The following SYNPO2 variants were observed in gnomAD, a reference collection of about 807,000 sequenced individuals.
SYNPO2 encodes the protein synaptopodin 2.
A neutral mutation model predicts 85.0 loss-of-function variants in SYNPO2; 56 were observed. The ratio of observed to expected loss-of-function variants is 0.66; its 90% CI spans 0.53 to 0.82. The LOEUF (loss-of-function observed/expected upper bound fraction) is 0.82. Among genes scored for constraint, SYNPO2 ranks in the 40% least tolerant of loss-of-function variants. The pLI, the probability that SYNPO2 is intolerant of heterozygous loss-of-function variation, is 0.00. For missense variants in SYNPO2, 1,575 were observed against 1,534.2 expected (o/e 1.03, Z -0.44); for synonymous variants, 602 against 591.1 (o/e 1.02, Z -0.27).
At chr4:118,908,387 A>T (rs951820189) in intron 1 of SYNPO2, among the ~76,000 whole-genome samples, 1 of 152,226 alleles carries the variant, frequency 6.6e-6, no homozygotes, top group Non-Finnish European at 1.5e-5. Flanking sequence ...TCTAGGTAAC[A>T]TACTTCCATT....
intron 4 of SYNPO2, among the ~76,000 whole-genome samples, chr4:119,054,940 G>A (rs1739164339): frequency 6.6e-6 from 1 of 151,986 alleles, no homozygotes; most frequent in South Asian, 2.1e-4. Context: ...CTCTCCCAGG[G>A]CCTCTGTAGA....
chr4:118,942,881 C>T (rs1480101283), intron 1 of SYNPO2, among the ~76,000 whole-genome samples: 1 of 152,090 alleles, frequency 6.6e-6, no homozygotes, highest in African/African-American at 2.4e-5. Flanking sequence ...CTAAGGTAGG[C>T]AGATCACTTG....
At chr4:119,038,301 A>G in intron 4 of SYNPO2, 1 of 985,416 alleles carries the variant, frequency 1.0e-6, no homozygotes, top group Non-Finnish European at 1.2e-6. Flanking sequence ...TGGCTCAGAA[A>G]ATCAGATGCT....
intron 3 of SYNPO2, among the ~76,000 whole-genome samples, chr4:119,028,218 GTTTGT>G: frequency 9.2e-6 from 1 of 108,754 alleles, no homozygotes. Flanking sequence ...GTTTATTTTT[GTTTGT>G]TTTTTTTTTT....
At chr4:119,011,209 G>C (rs1425560077) in intron 1 of SYNPO2, among the ~76,000 whole-genome samples, 1 of 152,192 alleles carries the variant, frequency 6.6e-6, no homozygotes, top group Non-Finnish European at 1.5e-5. Context: ...AAGACCAGCA[G>C]AGTGCACAGG....
In SYNPO2 at chr4:119,023,560, C is replaced by G; in HGVS notation, c.236C>G (p.Ser79Cys). 4 of 1,613,312 alleles carry G rather than the reference C, an allele frequency of 2.5e-6. No individual in the cohort carries two copies. The highest frequency in any genetic ancestry group is 3.4e-6 in the Non-Finnish European group (4 of 1,179,590). ...AAGCTCATGGAAAGCATAACAGACT[C>G]TCTCCAAATGCTCATCAAAAGGTAC... is the stretch of plus-strand genomic sequence containing the variant. ...VIKLMESITD[S>C]LQMLIKRPSS... The change falls in exon 2 of 5, where the codon TCT becomes TGT. Residue 79 changes from serine to cysteine, a missense_variant. Physicochemically the swap from Ser to Cys is moderately radical, Grantham distance 112 (BLOSUM62 -1). Transcript: ENST00000307142.
Position 119,031,117 on chromosome 4 carries a change from C to T in SYNPO2, c.2342C>T (p.Ser781Phe), listed in dbSNP as rs533172135. 16 of 1,614,142 alleles carry T rather than the reference C, an allele frequency of 9.9e-6. No homozygotes were observed. The highest frequency in any genetic ancestry group is 1.3e-5 in the African/African-American group (1 of 75,020). Residue 781 changes from serine (S) to phenylalanine (F), a missense_variant, in exon 4 of 5, where the codon TCT becomes TTT. Ser to Phe is a radical substitution (Grantham distance 155). This residue lies in a region of SYNPO2 where 1,508 missense variants were observed against 1,446.8 expected (regional missense o/e 1.04). Coordinates refer to ENST00000307142, the MANE Select transcript of SYNPO2 (RefSeq NM_133477.3). ...QPVTPVSPVW[S>F]PGVAPTQPPA... Reference sequence around the variant, plus strand: ...GTAACTCCAGTTTCCCCAGTCTGGTCTCCAGGAGTGGCTCCCACCCAACCT... The same window carrying T: ...GTAACTCCAGTTTCCCCAGTCTGGTTTCCAGGAGTGGCTCCCACCCAACCT...
intron 1 of SYNPO2, among the ~76,000 whole-genome samples, chr4:119,022,564 C>T (rs1290535588): frequency 1.4e-5 from 2 of 139,298 alleles, no homozygotes; most frequent in South Asian, 2.3e-4. Context: ...CCATATTGAC[C>T]GGGCTGGTCT....
At chr4:118,863,054 C>T (rs1391908313) in intron 1 of SYNPO2, among the ~76,000 whole-genome samples, 1 of 152,174 alleles carries the variant, frequency 6.6e-6, no homozygotes, top group Middle Eastern at 3.2e-3. Context: ...CGTGACCCAC[C>T]TGCCTTAGCC....
intron 1 of SYNPO2, among the ~76,000 whole-genome samples, chr4:118,894,488 C>T (rs141844759): frequency 1.5e-4 from 23 of 151,756 alleles, no homozygotes; most frequent in Admixed American, 9.9e-4. Flanking sequence ...CTTCTCCATC[C>T]GTGGACTTGC....
chr4:119,004,050 T>A (rs925465298), intron 1 of SYNPO2, among the ~76,000 whole-genome samples: 1 of 152,136 alleles, frequency 6.6e-6, no homozygotes, highest in Non-Finnish European at 1.5e-5. Context: ...CTACTGTGTT[T>A]TTAGACTTTC....
intron 1 of SYNPO2, among the ~76,000 whole-genome samples, chr4:118,967,899 T>A (rs554723139): frequency 1.4e-3 from 205 of 151,216 alleles, no homozygotes; most frequent in African/African-American, 4.6e-3. Context: ...CATGGACCTA[T>A]CCATGCAACT....
chr4:118,879,775 C>A (rs1003898902), intron 1 of SYNPO2, among the ~76,000 whole-genome samples: 1 of 152,128 alleles, frequency 6.6e-6, no homozygotes, highest in South Asian at 2.1e-4. Flanking sequence ...TGGTCTTGGC[C>A]AGCAGTCAGG....
intron 1 of SYNPO2, among the ~76,000 whole-genome samples, chr4:119,000,761 T>C (rs1736793865): frequency 6.6e-6 from 1 of 152,224 alleles, no homozygotes; most frequent in Non-Finnish European, 1.5e-5. Context: ...GATTAACAAG[T>C]TGAAATAACA....
intron 1 of SYNPO2, among the ~76,000 whole-genome samples, chr4:118,908,595 C>T (rs191289831): frequency 1.3e-5 from 2 of 152,224 alleles, no homozygotes; most frequent in African/African-American, 4.8e-5. Context: ...TCTGGGTTTG[C>T]AGCTTTTCAT....
In SYNPO2 at chr4:119,000,880, A is replaced by T. The variant is rs564201818; in HGVS notation, c.106-22550A>T. Reference sequence around the variant, plus strand: ...CTTTTCTTTTTTTCTCTCTCGCAACATCTGCTGAGACATAAGTCTAGAAAA... The same window carrying T: ...CTTTTCTTTTTTTCTCTCTCGCAACTTCTGCTGAGACATAAGTCTAGAAAA... On this transcript the variant is annotated intron_variant, in intron 1 of 4. Coordinates refer to ENST00000307142, the MANE Select transcript of SYNPO2 (RefSeq NM_133477.3). Among the ~76,000 whole-genome samples the T allele has an allele frequency of 1.1e-4, 16 of 152,204 alleles. No homozygotes were observed. In the East Asian group the frequency reaches 3.1e-3, roughly 29 times the overall value.
chr4:119,043,757 G>A (rs1212863225), intron 4 of SYNPO2: 1 of 152,112 alleles, frequency 6.6e-6, no homozygotes, highest in East Asian at 1.9e-4. Flanking sequence ...GGTCGACATG[G>A]TGAAACCCCA....
chr4:118,908,528 G>A (rs766125666), intron 1 of SYNPO2, among the ~76,000 whole-genome samples: 6 of 152,056 alleles, frequency 3.9e-5, no homozygotes, highest in African/African-American at 7.2e-5. Context: ...AAAAACATTC[G>A]TAAGTATGAT....
chr4:118,867,471 T>TTTC (rs1560804956), intron 1 of SYNPO2, among the ~76,000 whole-genome samples: 8 of 74,622 alleles, frequency 1.1e-4, no homozygotes, highest in Non-Finnish European at 3.0e-4. Context: ...TTCTTTCTTT[T>TTTC]TTTTTTTTTT....
Sources: gnomAD v4.1 joint callset for allele counts (sites outside exome capture counted in the v4.1 genomes callset) on GRCh38, gnomAD v4.1.1 for gene constraint, gnomAD v4.1.1 regional missense constraint, MANE v1.5 for transcripts, NCBI Gene and HGNC (gene_info 2026-07-23, HGNC 2026-07-21) for gene names.